TBPL2: variants seen among roughly 807,000 people sequenced by gnomAD.
The protein encoded by TBPL2 is TATA-box binding protein like 2, also known as TATA box-binding protein-like 2.
A neutral mutation model predicts 38.2 loss-of-function variants in TBPL2; 40 were observed. The ratio of observed to expected loss-of-function variants is 1.05; its 90% CI spans 0.81 to 1.36. TBPL2 has a LOEUF of 1.36. TBPL2 is among the 40% of genes most tolerant of loss of function. The pLI is 0.00. For synonymous variants in TBPL2, 169 were observed against 171.7 expected, an observed-to-expected ratio of 0.98 and a Z score of 0.12; for missense variants, 461 against 456.7, an observed-to-expected ratio of 1.01 and a Z score of -0.09.
intron 6 of TBPL2, among the ~76,000 whole-genome samples, chr14:55,422,611 AG>A (rs1344288363): frequency 6.6e-6 from 1 of 152,156 alleles, no homozygotes; most frequent in African/African-American, 2.4e-5. Context: ...CAGCACTTTG[AG>A]AGGCCAAGGC....
At position 55,436,743 on chromosome 14, in the gene TBPL2, A is replaced by G. The variant is rs767953962; in HGVS notation, c.426T>C (p.Val142=). The stretch of plus-strand genomic sequence containing the variant: ...AACTGCTGCTGTTTAAGCCCAGCCC[A>G]ACGTCCTGTTCGCTGGGTGATGGCA... Residue 142 remains valine, a synonymous_variant, in exon 2 of 7, where the codon GTT becomes GTC. Transcript: ENST00000247219. 12 of 1,614,212 alleles carry G rather than the reference A, an allele frequency of 7.4e-6. No individual in the cohort carries two copies. In the East Asian group the frequency reaches 1.1e-4, roughly 15 times the overall value.
chr14:55,436,766 G>T (rs779917228), exon 2 of TBPL2: 8 of 1,614,190 alleles, frequency 5.0e-6, no homozygotes, highest in Non-Finnish European at 6.8e-6. Context: ...CTGGGTGATG[G>T]CAACCTACTT....
chr14:55,420,506 A>C (rs989547966), intron 6 of TBPL2, among the ~76,000 whole-genome samples: 5 of 150,324 alleles, frequency 3.3e-5, no homozygotes, highest in African/African-American at 1.2e-4. Flanking sequence ...GTAAAACGCC[A>C]AGAGATGATA....
At position 55,419,036 on chromosome 14, in the gene TBPL2, G is replaced by A. The variant is rs889580872; in HGVS notation, c.1052-4581C>T. Among the ~76,000 whole-genome samples, 13 of 152,298 alleles carry A rather than the reference G, an allele frequency of 8.5e-5. No homozygotes were observed. The East Asian group carries it at 2.5e-3, about 29-fold the overall frequency. On this transcript the variant is annotated intron_variant, in intron 6 of 6. Coordinates refer to ENST00000247219, the Ensembl canonical transcript of TBPL2. The stretch of plus-strand genomic sequence containing the variant: ...GACAACTCTCCAGTCCATCCTTTTA[G>A]CCACTACACCTGCTGACCCTCACTG...
chr14:55,424,246 G>C, exon 6 of TBPL2: 1 of 1,607,584 alleles, frequency 6.2e-7, no homozygotes, highest in South Asian at 1.1e-5. Context: ...AACAGTTCAG[G>C]CTCGTAACTG....
At chr14:55,440,504 G>A (rs773238145) in exon 1 of TBPL2, 17 of 1,611,912 alleles carry the variant, frequency 1.1e-5, no homozygotes, top group Non-Finnish European at 1.4e-5. Context: ...AGCGCGGAGC[G>A]AGCAGCCTCG....
chr14:55,425,002 T>C (rs1277534079), intron 5 of TBPL2, among the ~76,000 whole-genome samples: 1 of 151,880 alleles, frequency 6.6e-6, no homozygotes, highest in Non-Finnish European at 1.5e-5. Context: ...ACAAGAAATA[T>C]AAGAAAAAAA....
At chr14:55,422,628 G>A (rs1271810493) in intron 6 of TBPL2, among the ~76,000 whole-genome samples, 1 of 152,182 alleles carries the variant, frequency 6.6e-6, no homozygotes, top group African/African-American at 2.4e-5. Context: ...AAGGCAGGTA[G>A]ATCACTTGAG....
chr14:55,430,870 C>A (rs1282047762), intron 4 of TBPL2, among the ~76,000 whole-genome samples: 1 of 152,208 alleles, frequency 6.6e-6, no homozygotes, highest in African/African-American at 2.4e-5. Context: ...TAATCTATTA[C>A]ATTTCCCGTA....
chr14:55,429,316 T>G (rs1171015777), intron 4 of TBPL2, among the ~76,000 whole-genome samples: 1 of 152,242 alleles, frequency 6.6e-6, no homozygotes, highest in Non-Finnish European at 1.5e-5. Context: ...CCTGGGAACT[T>G]GTTAGAAATG....
chr14:55,419,353 A>G (rs573966895), intron 6 of TBPL2, among the ~76,000 whole-genome samples: 11 of 152,372 alleles, frequency 7.2e-5, no homozygotes, highest in South Asian at 2.1e-4. Flanking sequence ...TGTCTGTCAT[A>G]TGAGTGCCCA....
At chr14:55,420,917 T>C (rs1885732490) in intron 6 of TBPL2, among the ~76,000 whole-genome samples, 2 of 151,802 alleles carry the variant, frequency 1.3e-5, no homozygotes, top group South Asian at 2.1e-4. Flanking sequence ...AAAAATTAGC[T>C]GGGCATAGTG....
chr14:55,417,874 G>A (rs192746987), intron 6 of TBPL2, among the ~76,000 whole-genome samples: 1 of 152,172 alleles, frequency 6.6e-6, no homozygotes, highest in Non-Finnish European at 1.5e-5. Context: ...CTGGCTTTGA[G>A]ATCAAACAAT....
At chr14:55,434,313 T>C (rs1029342186) in intron 3 of TBPL2, among the ~76,000 whole-genome samples, 5 of 152,170 alleles carry the variant, frequency 3.3e-5, no homozygotes, top group Non-Finnish European at 7.3e-5. Flanking sequence ...ACCAGCAGCA[T>C]CAGCAAGCCC....
intron 6 of TBPL2, among the ~76,000 whole-genome samples, chr14:55,415,942 A>G (rs1237903026): frequency 1.3e-5 from 2 of 152,224 alleles, no homozygotes; most frequent in East Asian, 3.8e-4. Flanking sequence ...ATGCTACAAC[A>G]TATAGCATGT....
At chr14:55,434,681 G>C (rs1285533844) in intron 3 of TBPL2, among the ~76,000 whole-genome samples, 1 of 152,130 alleles carries the variant, frequency 6.6e-6, no homozygotes, top group Non-Finnish European at 1.5e-5. Context: ...CTTTGTGTCT[G>C]TCCTCACCAT....
At chr14:55,428,427 C>T (rs1481119962) in intron 5 of TBPL2, among the ~76,000 whole-genome samples, 3 of 152,122 alleles carry the variant, frequency 2.0e-5, no homozygotes, top group Non-Finnish European at 2.9e-5. Flanking sequence ...TGCCAAGCTA[C>T]GTTTGTATGC....
chr14:55,432,861 G>A (rs187704989), intron 4 of TBPL2, among the ~76,000 whole-genome samples: 1 of 152,276 alleles, frequency 6.6e-6, no homozygotes, highest in Admixed American at 6.5e-5. Context: ...TCCTCTGCGT[G>A]AGATCCAGGA....
chr14:55,436,121 C>G (rs1368327935), intron 2 of TBPL2, among the ~76,000 whole-genome samples, 187 bp from the exon 3 acceptor site: 1 of 152,120 alleles, frequency 6.6e-6, no homozygotes, highest in Non-Finnish European at 1.5e-5. Context: ...TGCTAAAGAG[C>G]CTTTCCTAAA....
Sources: allele counts gnomAD v4.1 joint callset (sites outside exome capture counted in the v4.1 genomes callset), GRCh38; gene constraint gnomAD v4.1.1; transcripts MANE v1.5; gene names NCBI Gene and HGNC (gene_info 2026-07-23, HGNC 2026-07-21).